NPAS3: variants seen among roughly 807,000 people sequenced by gnomAD.
NPAS3 encodes the protein neuronal PAS domain-containing protein 3.
In NPAS3, 14 loss-of-function variants were observed where a neutral mutation model predicts 73.1. The ratio of observed to expected loss-of-function variants is 0.19; its 90% CI spans 0.13 to 0.30. The LOEUF is 0.30. NPAS3 is among the 10% of genes least tolerant of loss of function. The pLI is 1.00. For missense variants in NPAS3, 1,096 were observed against 1,250.0 expected, an observed-to-expected ratio of 0.88 and a Z score of 1.86; for synonymous variants, 620 against 541.5, an observed-to-expected ratio of 1.14 and a Z score of -2.01.
chr14:33,737,771 G>A (rs538802739), intron 7 of NPAS3, among the ~76,000 whole-genome samples: 2 of 152,102 alleles, frequency 1.3e-5, no homozygotes, highest in African/African-American at 2.4e-5. Flanking sequence ...AGTAAATCTA[G>A]CAGCTTATAA....
intron 7 of NPAS3, among the ~76,000 whole-genome samples, chr14:33,746,121 G>A (rs2061783071): frequency 6.6e-6 from 1 of 152,062 alleles, no homozygotes; most frequent in South Asian, 2.1e-4. Flanking sequence ...CTGAGAGGTA[G>A]TATGCAACAT....
intron 2 of NPAS3, among the ~76,000 whole-genome samples, chr14:33,069,484 A>C (rs1464277488): frequency 6.6e-6 from 1 of 152,220 alleles, no homozygotes; most frequent in Non-Finnish European, 1.5e-5. Context: ...GGAGAATGTC[A>C]GTGTGGTGGG....
At position 33,544,827 on chromosome 14, in the gene NPAS3, ATGTG is replaced by A. The variant is rs1376021265; in HGVS notation, c.469-15292_469-15289del. 8.9e-3 allele frequency among the ~76,000 whole-genome samples: 708 copies of A among 79,992 alleles called. 24 individuals are homozygous for A. Among genetic ancestry groups the A allele is most frequent in the Middle Eastern group, 0.036 (5 of 138 alleles). 52.5% of individuals were successfully genotyped at this position (79,992 alleles called of 152,430 possible). On this transcript the variant is annotated intron_variant, in intron 4 of 11. Coordinates refer to ENST00000356141, the Ensembl canonical transcript of NPAS3. ...ATATATATATGTATATATAATATAT[ATGTG>A]TATATATATATTATATATATGTGTA...
At chr14:33,680,595 G>T in intron 6 of NPAS3, 2 of 702,476 alleles carry the variant, frequency 2.8e-6, no homozygotes, top group Non-Finnish European at 5.2e-6. Flanking sequence ...TTCCCTTTCT[G>T]TCTCCAGTGG....
intron 2 of NPAS3, among the ~76,000 whole-genome samples, chr14:33,072,117 C>T (rs1304150475): frequency 1.3e-5 from 2 of 152,186 alleles, no homozygotes; most frequent in Non-Finnish European, 2.9e-5. Context: ...TCTCAAACTC[C>T]TGATCTCAGG....
intron 4 of NPAS3, among the ~76,000 whole-genome samples, chr14:33,423,528 T>C (rs566923465): frequency 6.6e-6 from 1 of 152,110 alleles, no homozygotes; most frequent in Admixed American, 6.6e-5. Context: ...TTAATATCCA[T>C]TTTATTTGTT....
chr14:33,362,758 G>A (rs553330908), intron 3 of NPAS3, among the ~76,000 whole-genome samples: 25 of 152,190 alleles, frequency 1.6e-4, no homozygotes, highest in African/African-American at 5.5e-4. Flanking sequence ...ACATTTGCCC[G>A]TGATGCCGTA....
intron 8 of NPAS3, among the ~76,000 whole-genome samples, chr14:33,775,505 G>T (rs2062785091): frequency 1.3e-5 from 2 of 152,150 alleles, no homozygotes; most frequent in African/African-American, 4.8e-5. Flanking sequence ...GATAGCCCCT[G>T]CATTCAGTCC....
At chr14:33,717,077 G>A (rs1437122654) in intron 6 of NPAS3, among the ~76,000 whole-genome samples, 1 of 151,082 alleles carries the variant, frequency 6.6e-6, no homozygotes, top group Non-Finnish European at 1.5e-5. Context: ...GCACTGAGTA[G>A]AGAGGGAATG....
chr14:33,561,439 A>T (rs750942923), intron 5 of NPAS3, among the ~76,000 whole-genome samples: 11 of 152,246 alleles, frequency 7.2e-5, no homozygotes, highest in Non-Finnish European at 1.3e-4. Flanking sequence ...TTTGAAGAAC[A>T]TGCAAGCTCT....
At chr14:32,967,404 A>G (rs2037218648) in intron 1 of NPAS3, among the ~76,000 whole-genome samples, 1 of 152,172 alleles carries the variant, frequency 6.6e-6, no homozygotes, top group Non-Finnish European at 1.5e-5. Context: ...GAGAGTCAGA[A>G]GTTATACACA....
intron 2 of NPAS3, among the ~76,000 whole-genome samples, chr14:33,094,909 T>A (rs760825370): frequency 6.6e-6 from 1 of 152,250 alleles, no homozygotes; most frequent in Non-Finnish European, 1.5e-5. Context: ...CACATGTGTA[T>A]CTTGTTTTCA....
At chr14:33,322,417 C>T (rs971476886) in intron 3 of NPAS3, among the ~76,000 whole-genome samples, 5 of 150,928 alleles carry the variant, frequency 3.3e-5, no homozygotes, top group Admixed American at 1.3e-4. Flanking sequence ...CTTTTGCATT[C>T]CTGAGCAATT....
rs115784010 is a variant in NPAS3 at position 33,168,539 on chromosome 14, C to T, written c.141-46643C>T. Reference sequence around the variant, plus strand: ...CTTGGAGACATTTCCGAGTTGGAGCCCCAAGCCCCTAAAGATCTTGTGTGA... The same window carrying T: ...CTTGGAGACATTTCCGAGTTGGAGCTCCAAGCCCCTAAAGATCTTGTGTGA... On this transcript the variant is annotated intron_variant, in intron 2 of 11. Transcript: ENST00000356141. Among the ~76,000 whole-genome samples, 294 of 152,172 alleles carry T rather than the reference C, an allele frequency of 1.9e-3. 2 individuals carry two copies. Among genetic ancestry groups the T allele is most frequent in the Middle Eastern group, 6.8e-3 (2 of 292 alleles).
chr14:33,230,079 G>A (rs971832928), intron 3 of NPAS3, among the ~76,000 whole-genome samples: 1 of 152,202 alleles, frequency 6.6e-6, no homozygotes, highest in Non-Finnish European at 1.5e-5. Flanking sequence ...CCCAGCTAAA[G>A]AGATAAATGC....
At chr14:33,450,576 T>G (rs1281527393) in intron 4 of NPAS3, among the ~76,000 whole-genome samples, 1 of 152,256 alleles carries the variant, frequency 6.6e-6, no homozygotes, top group Non-Finnish European at 1.5e-5. Context: ...TTTCTGGCAC[T>G]TTATTTCTTC....
At chr14:32,983,347 T>A (rs530288898) in intron 1 of NPAS3, among the ~76,000 whole-genome samples, 2 of 152,318 alleles carry the variant, frequency 1.3e-5, no homozygotes, top group East Asian at 3.9e-4. Flanking sequence ...CATATGTATA[T>A]GCATGCTTTA....
At chr14:32,946,055 C>CT (rs1437286512) in intron 1 of NPAS3, among the ~76,000 whole-genome samples, 1 of 152,176 alleles carries the variant, frequency 6.6e-6, no homozygotes, top group South Asian at 2.1e-4. Context: ...TGTGTAAAAA[C>CT]TGTCTCATAA....
At chr14:33,503,238 T>A (rs1453711287) in intron 4 of NPAS3, among the ~76,000 whole-genome samples, 1 of 151,940 alleles carries the variant, frequency 6.6e-6, no homozygotes, top group Non-Finnish European at 1.5e-5. Flanking sequence ...ACAATTATAG[T>A]AGTAGCTGCT....
Sources: gnomAD v4.1 joint callset for allele counts (sites outside exome capture counted in the v4.1 genomes callset) on GRCh38, gnomAD v4.1.1 for gene constraint, MANE v1.5 for transcripts, NCBI Gene and HGNC (gene_info 2026-07-23, HGNC 2026-07-21) for gene names.